COL14A1: variants seen among roughly 807,000 people sequenced by gnomAD.
The protein encoded by COL14A1 is collagen type XIV alpha 1 chain.
In COL14A1, 136 loss-of-function variants were observed where a neutral mutation model predicts 230.3. The ratio of observed to expected loss-of-function variants is 0.59; its 90% CI spans 0.51 to 0.68. The LOEUF (loss-of-function observed/expected upper bound fraction) is 0.68, where lower values mean the gene tolerates loss of function less well. COL14A1 is among the 30% of genes least tolerant of loss of function. The pLI is 0.00. For missense variants in COL14A1, 1,976 were observed against 2,215.8 expected (o/e 0.89, Z 2.17); for synonymous variants, 792 against 784.1 (o/e 1.01, Z -0.17).
At chr8:120,268,767 G>C (rs1397621651) in intron 25 of COL14A1, among the ~76,000 whole-genome samples, 1 of 151,786 alleles carries the variant, frequency 6.6e-6, no homozygotes, top group East Asian at 1.9e-4. Context: ...CATGCATGTG[G>C]ATATATTTTC....
chr8:120,246,351 G>A (rs1188880570), intron 20 of COL14A1, among the ~76,000 whole-genome samples: 3 of 152,158 alleles, frequency 2.0e-5, no homozygotes, highest in Non-Finnish European at 2.9e-5. Flanking sequence ...AGGAAGGAGA[G>A]AAGGAAAACA....
chr8:120,173,800 G>A (rs1348924019), intron 5 of COL14A1, among the ~76,000 whole-genome samples: 1 of 151,958 alleles, frequency 6.6e-6, no homozygotes, highest in Non-Finnish European at 1.5e-5. Context: ...TGAGAAACAT[G>A]GCTCCCAATA....
intron 1 of COL14A1, among the ~76,000 whole-genome samples, chr8:120,139,921 A>T (rs939622222): frequency 2.6e-5 from 4 of 152,100 alleles, no homozygotes; most frequent in Non-Finnish European, 5.9e-5. Flanking sequence ...CCAGCTACTC[A>T]GGAGGCTGAG....
intron 23 of COL14A1, among the ~76,000 whole-genome samples, chr8:120,259,529 G>A (rs560331829): frequency 1.3e-5 from 2 of 152,276 alleles, no homozygotes; most frequent in African/African-American, 4.8e-5. Context: ...CATGCCAAAA[G>A]CAACATGGAT....
intron 37 of COL14A1, among the ~76,000 whole-genome samples, chr8:120,313,332 C>A (rs1342783240): frequency 1.3e-5 from 2 of 152,052 alleles, no homozygotes; most frequent in Non-Finnish European, 2.9e-5. Context: ...TGCACTCCAG[C>A]CTGGGCAACA....
chr8:120,342,243 T>A lies in COL14A1; in HGVS notation c.4822-137T>A. On this transcript the variant is annotated intron_variant, in intron 43 of 47. Coordinates refer to ENST00000297848, the MANE Select transcript of COL14A1 (RefSeq NM_021110.4). The stretch of plus-strand genomic sequence containing the variant: ...TACCCCTTCTCTGCATGCACCGTGG[T>A]GGTCAAACCCACCTGTTGCTAGGGG... 5.4e-6 allele frequency: 4 copies of A among 745,874 alleles called. No individual in the cohort carries two copies. The South Asian group carries it at 6.4e-5, about 12-fold the overall frequency. The allele number at this position is 745,874 out of a possible 1,614,324, so 46.2% of individuals were successfully genotyped here. A position where few individuals can be genotyped will look rare whatever the true frequency, so the allele number is the denominator to read the frequency against.
chr8:120,270,107 A>G lies in COL14A1; in HGVS notation c.3146A>G (p.Asn1049Ser), dbSNP rs373057990. 1.9e-6 allele frequency: 3 copies of G among 1,611,726 alleles called. No homozygotes were observed. Among genetic ancestry groups the G allele is most frequent in the East Asian group, 2.2e-5 (1 of 44,810 alleles). The change falls in exon 26 of 48, where the codon AAT becomes AGT. Residue 1049 changes from asparagine (N) to serine (S), a missense_variant. This residue lies in a region of COL14A1 where 1,791 missense variants were observed against 2,019.5 expected (regional missense o/e 0.89). Coordinates refer to ENST00000297848, the MANE Select transcript of COL14A1 (RefSeq NM_021110.4). ...GSWSIGDENF[N>S]KIISFLYSTV... ...TGGAGCATTGGAGATGAAAATTTCA[A>G]TAAGATCATCAGCTTTCTATACAGC...
intron 4 of COL14A1, among the ~76,000 whole-genome samples, chr8:120,165,106 T>C (rs959728473): frequency 6.6e-6 from 1 of 152,208 alleles, no homozygotes. Context: ...ATTGGCAGGA[T>C]AGAGGGATTT....
chr8:120,176,958 G>C (rs1816302549), intron 5 of COL14A1, among the ~76,000 whole-genome samples: 1 of 152,062 alleles, frequency 6.6e-6, no homozygotes, highest in Admixed American at 6.6e-5. Flanking sequence ...AGGTGAACTA[G>C]AAAATTGCTC....
In COL14A1 at chr8:120,157,203, C is replaced by G. The variant is rs77932273; in HGVS notation, c.89-927C>G. On this transcript the variant is annotated intron_variant, in intron 2 of 47. Coordinates refer to ENST00000297848, the MANE Select transcript of COL14A1 (RefSeq NM_021110.4). ...AAAACATTCTGGGCTGATTCATGAC[C>G]ATGTGCTTTGTATCTTTCTGACAGG... 1.2e-3 allele frequency among the ~76,000 whole-genome samples: 181 copies of G among 152,220 alleles called. 2 individuals are homozygous for G. The East Asian group carries it at 0.029, about 24-fold the overall frequency.
chr8:120,155,329 C>G (rs1815435191), intron 2 of COL14A1, among the ~76,000 whole-genome samples: 2 of 152,086 alleles, frequency 1.3e-5, no homozygotes, highest in Admixed American at 1.3e-4. Flanking sequence ...AAGCCGATGC[C>G]ACTCTTGGTT....
At chr8:120,213,642 T>C (rs1412009278) in intron 13 of COL14A1, among the ~76,000 whole-genome samples, 3 of 152,198 alleles carry the variant, frequency 2.0e-5, no homozygotes, top group East Asian at 1.9e-4. Flanking sequence ...TCTGGGACTC[T>C]AACCATTTGA....
intron 35 of COL14A1, among the ~76,000 whole-genome samples, chr8:120,300,386 T>C (rs1470533231): frequency 6.6e-6 from 1 of 152,166 alleles, no homozygotes; most frequent in Non-Finnish European, 1.5e-5. Flanking sequence ...ATAAAAAAGT[T>C]TTCAAGACCT....
At chr8:120,153,186 GT>G (rs1205293826) in intron 2 of COL14A1, among the ~76,000 whole-genome samples, 4 of 152,128 alleles carry the variant, frequency 2.6e-5, no homozygotes, top group African/African-American at 9.7e-5. Flanking sequence ...AAAAGCTAAA[GT>G]TTTTGTATTT....
At chr8:120,227,792 G>A (rs920420047) in intron 17 of COL14A1, among the ~76,000 whole-genome samples, 6 of 152,178 alleles carry the variant, frequency 3.9e-5, no homozygotes, top group South Asian at 2.1e-4. Flanking sequence ...CAAGAGTCTT[G>A]TACAAAATTT....
intron 45 of COL14A1, among the ~76,000 whole-genome samples, chr8:120,350,292 G>A (rs1236440922): frequency 1.3e-5 from 2 of 151,114 alleles, no homozygotes; most frequent in Admixed American, 6.6e-5. Context: ...ATGCCAAAAT[G>A]TAAAGACCAT....
intron 40 of COL14A1, among the ~76,000 whole-genome samples, chr8:120,320,908 C>T (rs150423980): frequency 1.2e-4 from 18 of 152,300 alleles, no homozygotes; most frequent in African/African-American, 1.7e-4. Flanking sequence ...AGAATAACTA[C>T]GAATGCTAGT....
At chr8:120,148,424 C>G (rs760270101) in intron 2 of COL14A1, among the ~76,000 whole-genome samples, 1 of 152,154 alleles carries the variant, frequency 6.6e-6, no homozygotes. Flanking sequence ...AGCCACCATG[C>G]CTGGCCTATT....
At chr8:120,316,423 A>T (rs978680969) in intron 40 of COL14A1, among the ~76,000 whole-genome samples, 2 of 152,208 alleles carry the variant, frequency 1.3e-5, no homozygotes, top group Non-Finnish European at 2.9e-5. Context: ...TCATTCAATT[A>T]TTGGTTCTTC....
Sources: allele counts gnomAD v4.1 joint callset (sites outside exome capture counted in the v4.1 genomes callset), GRCh38; gene constraint gnomAD v4.1.1; regional missense constraint gnomAD v4.1.1; transcripts MANE v1.5; gene names NCBI Gene and HGNC (gene_info 2026-07-23, HGNC 2026-07-21).